CEP43: variants seen among roughly 807,000 people sequenced by gnomAD.
CEP43 encodes the protein FGFR1 oncogene partner.
A neutral mutation model predicts 52.6 loss-of-function variants in CEP43; 36 were observed. The ratio of observed to expected loss-of-function variants is 0.68; its 90% confidence interval spans 0.52 to 0.90. The LOEUF is 0.90. Ranked by LOEUF, CEP43 falls within the 40% of genes least tolerant of loss-of-function variation. The probability of loss-of-function intolerance (pLI) is 0.00; values close to 1 mark genes in which losing one functional copy is unlikely to be tolerated. For missense variants in CEP43, 506 were observed against 472.8 expected, an observed-to-expected ratio of 1.07 and a Z score of -0.65; for synonymous variants, 192 against 172.4, an observed-to-expected ratio of 1.11 and a Z score of -0.89.
rs1460844989 is a variant in CEP43 at position 167,043,025 on chromosome 6, C to T, written c.*3047C>T. The T allele has an allele frequency of 6.6e-6, 1 of 152,338 alleles. No individual in the cohort carries two copies. The highest frequency in any genetic ancestry group is 1.5e-5 in the Non-Finnish European group (1 of 68,194). The allele number at this position is 152,338 out of a possible 1,614,324, so 9.4% of individuals were successfully genotyped here. ...CAATCTACAAAATCTGAGGGGAAAGCTGTCCTTACCCTAAACCTGGGGAGG... is the reference window on the plus strand; with the variant it reads ...CAATCTACAAAATCTGAGGGGAAAGTTGTCCTTACCCTAAACCTGGGGAGG... On this transcript the variant is annotated 3_prime_UTR_variant, in exon 13 of 13. Coordinates refer to ENST00000366847, the MANE Select transcript of CEP43 (RefSeq NM_007045.4).
rs1350382216 is a variant in CEP43, at chr6:167,040,007, A to T, written c.*29A>T. On this transcript the variant is annotated 3_prime_UTR_variant, in exon 13 of 13. Transcript: ENST00000366847. ...CGAAGAAGGAAGTATTCTAATTAAC[A>T]AGGACAGAGGACTGACCGGTTCCAT... 1 of 1,608,146 alleles carries T rather than the reference A, an allele frequency of 6.2e-7. No homozygotes were observed.
intron 11 of CEP43, among the ~76,000 whole-genome samples, 176 bp downstream of exon 11, chr6:167,032,818 A>G (rs1377176240): frequency 1.3e-5 from 2 of 152,198 alleles, no homozygotes; most frequent in Non-Finnish European, 2.9e-5. Flanking sequence ...TTGATTTTAG[A>G]GCATGTTTTT....
intron 7 of CEP43, among the ~76,000 whole-genome samples, chr6:167,016,932 T>A (rs917926768): frequency 6.6e-6 from 1 of 152,108 alleles, no homozygotes; most frequent in Admixed American, 6.5e-5. Context: ...TTCAGTCGTA[T>A]GTAAATGGAA....
chr6:167,017,751 A>T (rs1045601693), intron 7 of CEP43, among the ~76,000 whole-genome samples: 3 of 152,156 alleles, frequency 2.0e-5, no homozygotes, highest in African/African-American at 7.2e-5. Flanking sequence ...TAATTTAAAT[A>T]TATACTAAAG....
intron 5 of CEP43, among the ~76,000 whole-genome samples, chr6:167,004,997 T>A (rs1779820657): frequency 6.6e-6 from 1 of 152,228 alleles, no homozygotes; most frequent in Non-Finnish European, 1.5e-5. Flanking sequence ...GCTAATGAGA[T>A]TAATGATATA....
intron 5 of CEP43, among the ~76,000 whole-genome samples, chr6:167,006,411 A>G (rs1779855309): frequency 6.6e-6 from 1 of 152,112 alleles, no homozygotes; most frequent in African/African-American, 2.4e-5. Context: ...GCTACTTGGG[A>G]GGCTGAGGCA....
chr6:167,001,837 C>T (rs930898813), intron 2 of CEP43, among the ~76,000 whole-genome samples: 2 of 152,058 alleles, frequency 1.3e-5, no homozygotes, highest in African/African-American at 4.8e-5. Flanking sequence ...TCTCCGTTTC[C>T]GTGGTGTCCC....
chr6:167,024,053 A>C (rs551325527), intron 8 of CEP43, among the ~76,000 whole-genome samples: 21 of 152,270 alleles, frequency 1.4e-4, no homozygotes, highest in Non-Finnish European at 1.2e-4. Context: ...TGGAAGAATT[A>C]ATGATGTAAG....
At position 167,010,911 on chromosome 6, in the gene CEP43, C is replaced by G. The variant is rs746132505; in HGVS notation, c.519+18C>G. 2.0e-6 allele frequency: 3 copies of G among 1,509,628 alleles called. No homozygotes were observed. In the African/African-American group the frequency reaches 4.2e-5, roughly 21 times the overall value. The allele number at this position is 1,509,628 out of a possible 1,614,324, so 93.5% of individuals were successfully genotyped here. A position where few individuals can be genotyped will look rare whatever the true frequency, so the allele number is the denominator to read the frequency against. On this transcript the variant is annotated intron_variant, in intron 6 of 12. Transcript: ENST00000366847. ...CAAGTAAGGTGAGTTAGCTGTGGAA[C>G]ACGGAAGTCATGTCTGGACTTAACT...
At chr6:167,012,334 T>G (rs951439540) in intron 6 of CEP43, among the ~76,000 whole-genome samples, 6 of 152,176 alleles carry the variant, frequency 3.9e-5, no homozygotes, top group Non-Finnish European at 7.3e-5. Flanking sequence ...CTTCTGAGAT[T>G]TCTAGTTGGT....
chr6:167,005,045 C>G (rs1400927800), intron 5 of CEP43, among the ~76,000 whole-genome samples: 1 of 152,110 alleles, frequency 6.6e-6, no homozygotes, highest in Non-Finnish European at 1.5e-5. Context: ...TGAAGATACT[C>G]TGTTTTATAG....
chr6:166,999,441 C>T lies in CEP43; in HGVS notation c.29C>T (p.Ala10Val), dbSNP rs557905851. The T allele has an allele frequency of 2.0e-6, 3 of 1,480,278 alleles. No homozygotes were observed. The highest frequency in any genetic ancestry group is 1.3e-5 in the South Asian group (1 of 76,370). The allele number at this position is 1,480,278 out of a possible 1,614,324, so 91.7% of individuals were successfully genotyped here. The change falls in exon 1 of 13, where the codon GCC becomes GTC. Residue 10 changes from alanine (A) to valine (V), a missense_variant. Coordinates refer to ENST00000366847, the MANE Select transcript of CEP43 (RefSeq NM_007045.4). MAATAAAVVAEEDTELRDLL... is the reference protein window; with the variant it reads MAATAAAVVVEEDTELRDLL... ...GCGGCGACGGCGGCCGCAGTGGTGG[C>T]CGAGGAGGACACGGAGCTGCGGGAC... is the stretch of plus-strand genomic sequence containing the variant.
rs753375389 is a variant in CEP43, at chr6:167,049,566, C to G, written c.*9588C>G. ...TACTTCATTTATTTTTGTTTCCTAA[C>G]AATACTCCATTGTAGGGATTGACCA... On this transcript the variant is annotated 3_prime_UTR_variant, in exon 13 of 13. Transcript: ENST00000366847. 6.6e-6 allele frequency: 1 copy of G among 152,198 alleles called. No homozygotes were observed. The highest frequency in any genetic ancestry group is 2.4e-5 in the African/African-American group (1 of 41,444). 9.4% of individuals were successfully genotyped at this position (152,198 alleles called of 1,614,324 possible). A position where few individuals can be genotyped will look rare whatever the true frequency, so the allele number is the denominator to read the frequency against.
intron 6 of CEP43, among the ~76,000 whole-genome samples, chr6:167,011,303 A>T (rs1364420403): frequency 6.6e-6 from 1 of 152,242 alleles, no homozygotes; most frequent in East Asian, 1.9e-4. Flanking sequence ...TGAGATTCAG[A>T]ATTGTAAATC....
At position 167,046,968 on chromosome 6, in the gene CEP43, C is replaced by G. The variant is rs1780808310; in HGVS notation, c.*6990C>G. ...GGGTCAGAGTCCACTTCCTGGGGAG[C>G]CCAATCTGTGACCCCTAGGAGTGGG... On this transcript the variant is annotated 3_prime_UTR_variant, in exon 13 of 13. Coordinates refer to ENST00000366847, the MANE Select transcript of CEP43 (RefSeq NM_007045.4). The G allele has an allele frequency of 6.6e-6, 1 of 152,206 alleles. No individual in the cohort carries two copies. Among genetic ancestry groups the G allele is most frequent in the African/African-American group, 2.4e-5 (1 of 41,438 alleles). 9.4% of individuals were successfully genotyped at this position (152,206 alleles called of 1,614,324 possible).
intron 10 of CEP43, chr6:167,028,044 A>G (rs977732084): frequency 1.0e-5 from 10 of 985,378 alleles, no homozygotes; most frequent in Non-Finnish European, 1.2e-5. Context: ...AGCTGTGGTC[A>G]TGGTTGCCAT....
At position 167,043,583 on chromosome 6, in the gene CEP43, A is replaced by G. The variant is rs893057291; in HGVS notation, c.*3605A>G. On this transcript the variant is annotated 3_prime_UTR_variant, in exon 13 of 13. Transcript: ENST00000366847. ...TTTTTTGTAGAGACGGGATTTCACC[A>G]TGTTGGCCAGGCTGGTCTCAAACTC... 2 of 151,734 alleles carry G rather than the reference A, an allele frequency of 1.3e-5. No homozygotes were observed. The highest frequency in any genetic ancestry group is 2.9e-5 in the Non-Finnish European group (2 of 67,970). The allele number at this position is 151,734 out of a possible 1,614,324, so 9.4% of individuals were successfully genotyped here. A position where few individuals can be genotyped will look rare whatever the true frequency, so the allele number is the denominator to read the frequency against.
intron 7 of CEP43, 84 bp downstream of exon 7, chr6:167,013,651 GTCA>G: frequency 9.4e-7 from 1 of 1,065,642 alleles, no homozygotes. Flanking sequence ...CTGGGCTCCT[GTCA>G]GATTGGGTTC....
At chr6:167,006,668 A>G (rs1272687507) in intron 5 of CEP43, among the ~76,000 whole-genome samples, 1 of 152,188 alleles carries the variant, frequency 6.6e-6, no homozygotes, top group African/African-American at 2.4e-5. Flanking sequence ...CACATAAGAG[A>G]CTTGAGCATC....
Sources: gnomAD v4.1 joint callset for allele counts (sites outside exome capture counted in the v4.1 genomes callset) on GRCh38, gnomAD v4.1.1 for gene constraint, MANE v1.5 for transcripts, NCBI Gene and HGNC (gene_info 2026-07-23, HGNC 2026-07-21) for gene names.